The following TSPAN18 variants were observed in gnomAD, a reference collection of about 807,000 sequenced individuals.
The protein encoded by TSPAN18 is tetraspanin-18.
TSPAN18 carries 14 observed loss-of-function variants against 27.3 expected under a neutral mutation model. That is an observed-to-expected ratio of 0.51 (90% confidence interval 0.34 to 0.80). The LOEUF (loss-of-function observed/expected upper bound fraction) is 0.80. Ranked by LOEUF, TSPAN18 falls within the 30% of genes least tolerant of loss-of-function variation. The probability of loss-of-function intolerance (pLI) is 0.01; values close to 1 mark genes in which losing one functional copy is unlikely to be tolerated. For missense variants in TSPAN18, 268 were observed against 323.9 expected (o/e 0.83, Z 1.32); for synonymous variants, 143 against 136.5 (o/e 1.05, Z -0.33).
intron 2 of TSPAN18, among the ~76,000 whole-genome samples, chr11:44,813,049 G>C (rs1012070122): frequency 6.6e-6 from 1 of 152,212 alleles, no homozygotes; most frequent in Non-Finnish European, 1.5e-5. Flanking sequence ...CCTGCTGGCC[G>C]TCTCTCTGTG....
chr11:44,874,852 T>A (rs6485581), intron 3 of TSPAN18, among the ~76,000 whole-genome samples: 66,525 of 152,056 alleles, frequency 0.44, 16,452 homozygotes, highest in Non-Finnish European at 0.55. Flanking sequence ...GAGACCACGC[T>A]CCTCCCTTTA....
At chr11:44,798,154 T>G (rs895587264) in intron 2 of TSPAN18, among the ~76,000 whole-genome samples, 3 of 152,200 alleles carry the variant, frequency 2.0e-5, no homozygotes, top group African/African-American at 7.2e-5. Context: ...GAGAGGCCCG[T>G]GCCCTCCCAC....
intron 3 of TSPAN18, among the ~76,000 whole-genome samples, chr11:44,870,261 C>T (rs922350457): frequency 2.6e-5 from 4 of 152,138 alleles, no homozygotes; most frequent in Admixed American, 1.3e-4. Context: ...GTTCCCACCC[C>T]AGCCCCGGGC....
chr11:44,900,002 T>C (rs1472809095), intron 3 of TSPAN18, among the ~76,000 whole-genome samples: 1 of 152,232 alleles, frequency 6.6e-6, no homozygotes, highest in African/African-American at 2.4e-5. Context: ...GTCTCAATTT[T>C]CTTCTCGCCC....
At chr11:44,857,805 G>A (rs1857775646) in intron 2 of TSPAN18, among the ~76,000 whole-genome samples, 1 of 152,170 alleles carries the variant, frequency 6.6e-6, no homozygotes. Flanking sequence ...TGACACACAC[G>A]TGCATTTACA....
At chr11:44,830,512 T>C (rs566137487) in intron 2 of TSPAN18, among the ~76,000 whole-genome samples, 4 of 152,298 alleles carry the variant, frequency 2.6e-5, no homozygotes, top group South Asian at 2.1e-4. Context: ...AAATATTTAT[T>C]GAGCATTGGT....
intron 1 of TSPAN18, among the ~76,000 whole-genome samples, chr11:44,735,321 G>A (rs936535311): frequency 2.0e-5 from 3 of 152,164 alleles, no homozygotes; most frequent in Admixed American, 6.5e-5. Flanking sequence ...GCTTTCCTGC[G>A]GCAGCCATGA....
intron 2 of TSPAN18, among the ~76,000 whole-genome samples, chr11:44,815,053 C>T (rs1019449078): frequency 4.6e-5 from 7 of 152,046 alleles, no homozygotes; most frequent in African/African-American, 1.4e-4. Flanking sequence ...AGGTGCTTGG[C>T]GTGGGAGCAT....
chr11:44,813,274 A>T (rs778822365), intron 2 of TSPAN18, among the ~76,000 whole-genome samples: 14 of 152,192 alleles, frequency 9.2e-5, no homozygotes, highest in Non-Finnish European at 1.8e-4. Context: ...GACACAAAGG[A>T]GAGGGTGTGC....
rs1366600043 is a variant in TSPAN18, at chr11:44,863,894, G to A, written c.-11+3425G>A. ...AGGGATCAGCATTCAGTGTAGTACT[G>A]ATGCTATTTGGTGTTGTTATTATTT... On this transcript the variant is annotated intron_variant, in intron 3 of 9. Coordinates refer to ENST00000520358, the MANE Select transcript of TSPAN18 (RefSeq NM_130783.5). Among the ~76,000 whole-genome samples, 3 of 152,164 alleles carry A rather than the reference G, an allele frequency of 2.0e-5. No homozygotes were observed. The East Asian group carries it at 5.8e-4, about 29-fold the overall frequency.
At chr11:44,775,425 T>C (rs1249887631) in intron 2 of TSPAN18, among the ~76,000 whole-genome samples, 1 of 152,208 alleles carries the variant, frequency 6.6e-6, no homozygotes, top group Non-Finnish European at 1.5e-5. Context: ...TTGGGAACAC[T>C]CTTCCTAACT....
At chr11:44,816,138 CTT>C (rs1856814081) in intron 2 of TSPAN18, among the ~76,000 whole-genome samples, 1 of 144,906 alleles carries the variant, frequency 6.9e-6, no homozygotes, top group African/African-American at 2.5e-5. Context: ...TGATAAATCA[CTT>C]TTATTGTTAG....
chr11:44,863,220 C>T (rs756094926), intron 3 of TSPAN18, among the ~76,000 whole-genome samples: 1 of 152,148 alleles, frequency 6.6e-6, no homozygotes, highest in Non-Finnish European at 1.5e-5. Flanking sequence ...CAGTTTCGGA[C>T]GTTAGAAAGG....
At position 44,861,622 on chromosome 11, in the gene TSPAN18, A is replaced by G. The variant is rs527791492; in HGVS notation, c.-11+1153A>G. Among the ~76,000 whole-genome samples, 13 of 152,042 alleles carry G rather than the reference A, an allele frequency of 8.6e-5. No individual in the cohort carries two copies. In the South Asian group the frequency reaches 1.5e-3, roughly 17 times the overall value. On this transcript the variant is annotated intron_variant, in intron 3 of 9. Transcript: ENST00000520358. ...AAAAGGAGAAAGGAATGCTGGGCAG[A>G]CAAAGCAGCAGATTCTCCCTACTGG...
chr11:44,885,106 T>C (rs2135268174), intron 3 of TSPAN18, among the ~76,000 whole-genome samples: 1 of 152,268 alleles, frequency 6.6e-6, no homozygotes. Context: ...TGGCGCCAAA[T>C]CCTAAAATAG....
chr11:44,854,384 A>C (rs886422338), intron 2 of TSPAN18, among the ~76,000 whole-genome samples: 1 of 152,130 alleles, frequency 6.6e-6, no homozygotes, highest in African/African-American at 2.4e-5. Flanking sequence ...ACAGAACATG[A>C]GGCCCAGGTG....
intron 3 of TSPAN18, among the ~76,000 whole-genome samples, chr11:44,888,944 C>T (rs994862077): frequency 5.9e-5 from 9 of 152,162 alleles, no homozygotes; most frequent in African/African-American, 1.9e-4. Context: ...GAGCAGTTTC[C>T]GCCATGTTGT....
Position 44,906,421 on chromosome 11 carries a change from A to G in TSPAN18, c.5A>G (p.Glu2Gly). The change falls in exon 4 of 10, where the codon GAA becomes GGA. Residue 2 changes from glutamate (E) to glycine (G), a missense_variant. By Grantham distance (98) the Glu-to-Gly change is moderately conservative (BLOSUM62 -2). Coordinates refer to ENST00000520358, the MANE Select transcript of TSPAN18 (RefSeq NM_130783.5). M[E>G]GDCLSCMKYL... ...TGTATTTCTAGGTGGAGCACCATGG[A>G]AGGCGACTGTCTGAGCTGCATGAAG... The G allele has an allele frequency of 3.1e-6, 5 of 1,614,162 alleles. No homozygotes were observed. The highest frequency in any genetic ancestry group is 4.2e-6 in the Non-Finnish European group (5 of 1,180,002).
At chr11:44,745,499 G>A (rs1051406266) in intron 1 of TSPAN18, among the ~76,000 whole-genome samples, 3 of 152,202 alleles carry the variant, frequency 2.0e-5, no homozygotes, top group Non-Finnish European at 4.4e-5. Flanking sequence ...AAAGTTCAAA[G>A]TCAGCAAGAG....
Sources: allele counts gnomAD v4.1 joint callset (sites outside exome capture counted in the v4.1 genomes callset), GRCh38; gene constraint gnomAD v4.1.1; transcripts MANE v1.5; gene names NCBI Gene and HGNC (gene_info 2026-07-23, HGNC 2026-07-21).